SNX25: variants seen among roughly 807,000 people sequenced by gnomAD.
SNX25 encodes the protein sorting nexin 25, also known as sorting nexin-25.
SNX25 carries 62 observed loss-of-function variants against 113.7 expected under a neutral mutation model. That is an observed-to-expected ratio of 0.55 (90% CI 0.44 to 0.67). The LOEUF is 0.67. Ranked by LOEUF, SNX25 falls within the 30% of genes least tolerant of loss-of-function variation. SNX25 has a pLI of 0.00. For missense variants in SNX25, 1,014 were observed against 1,161.0 expected (o/e 0.87, Z 1.84); for synonymous variants, 421 against 436.2 (o/e 0.97, Z 0.43).
intron 15 of SNX25, among the ~76,000 whole-genome samples, chr4:185,355,849 T>C (rs993558528): frequency 1.3e-5 from 2 of 152,208 alleles, no homozygotes; most frequent in African/African-American, 2.4e-5. Flanking sequence ...ATGAGGACAC[T>C]GTCCTAGGCT....
intron 10 of SNX25, among the ~76,000 whole-genome samples, chr4:185,333,919 A>G (rs1384931946): frequency 6.6e-6 from 1 of 151,146 alleles, no homozygotes. Context: ...ATGGTAGTGG[A>G]TGCTGGTAGT....
At chr4:185,368,519 C>T (rs1056013782), downstream of SNX25, among the ~76,000 whole-genome samples, 27 of 152,182 alleles carry the variant, frequency 1.8e-4, no homozygotes, top group East Asian at 7.7e-4. Flanking sequence ...CAGTGAACAC[C>T]GCTGTCGGGA....
At chr4:185,284,019 A>T (rs957409070) in intron 5 of SNX25, among the ~76,000 whole-genome samples, 1 of 152,212 alleles carries the variant, frequency 6.6e-6, no homozygotes, top group East Asian at 1.9e-4. Context: ...TTACCTGTTA[A>T]GTGTTAGAAA....
At chr4:185,351,913 G>C (rs982176901) in intron 14 of SNX25, among the ~76,000 whole-genome samples, 1 of 146,296 alleles carries the variant, frequency 6.8e-6, no homozygotes, top group Non-Finnish European at 1.5e-5. Flanking sequence ...TTGCGGGGTG[G>C]GGGGGTTCAT....
At chr4:185,365,571 G>C (rs2095384254), downstream of SNX25, 1 of 151,256 alleles carries the variant, frequency 6.6e-6, no homozygotes, top group South Asian at 2.1e-4. Context: ...GGCCAGCCTG[G>C]TCTCAAACTC....
At chr4:185,216,051 C>T (rs1042849595) in intron 1 of SNX25, among the ~76,000 whole-genome samples, 1 of 152,152 alleles carries the variant, frequency 6.6e-6, no homozygotes, top group Admixed American at 6.5e-5. Flanking sequence ...CCCGTCTTGG[C>T]CTCCCAAAGT....
intron 2 of SNX25, among the ~76,000 whole-genome samples, chr4:185,255,519 A>AC (rs1281431363): frequency 2.0e-5 from 3 of 152,182 alleles, no homozygotes. Flanking sequence ...AGTGTGAGCC[A>AC]CCGCACCTGG....
chr4:185,307,855 A>C (rs182885594), intron 6 of SNX25, among the ~76,000 whole-genome samples: 1 of 152,214 alleles, frequency 6.6e-6, no homozygotes, highest in Non-Finnish European at 1.5e-5. Context: ...CCTGGACTCA[A>C]GTGAACCTCC....
At chr4:185,254,193 C>A (rs1330896297) in intron 2 of SNX25, among the ~76,000 whole-genome samples, 2 of 149,246 alleles carry the variant, frequency 1.3e-5, no homozygotes, top group Non-Finnish European at 3.0e-5. Flanking sequence ...AATATGTATA[C>A]TTTTTTTTTT....
intron 5 of SNX25, among the ~76,000 whole-genome samples, chr4:185,269,837 G>A (rs1328704169): frequency 2.6e-5 from 4 of 152,120 alleles, no homozygotes; most frequent in Non-Finnish European, 4.4e-5. Flanking sequence ...AGCCTTCCAA[G>A]TAGCTGGGAC....
At chr4:185,262,641 T>C (rs968098588) in intron 3 of SNX25, among the ~76,000 whole-genome samples, 1 of 152,222 alleles carries the variant, frequency 6.6e-6, no homozygotes, top group Non-Finnish European at 1.5e-5. Flanking sequence ...AGATCTTAAT[T>C]TTCTCATCTA....
downstream of SNX25, among the ~76,000 whole-genome samples, chr4:185,372,041 C>T (rs759443170): frequency 2.6e-5 from 4 of 152,150 alleles, no homozygotes; most frequent in African/African-American, 4.8e-5. Context: ...TGGAGCCTTA[C>T]GGACTCCGAG....
intron 5 of SNX25, among the ~76,000 whole-genome samples, chr4:185,276,804 C>T (rs1749765873): frequency 6.6e-6 from 1 of 152,164 alleles, no homozygotes; most frequent in Non-Finnish European, 1.5e-5. Flanking sequence ...CCAGGATCCA[C>T]CTGCTGGCTG....
intron 1 of SNX25, among the ~76,000 whole-genome samples, chr4:185,214,202 A>C (rs902905925): frequency 2.6e-5 from 4 of 152,056 alleles, no homozygotes; most frequent in African/African-American, 9.7e-5. Flanking sequence ...TATGTCTCCT[A>C]AGTTAAAAAA....
At chr4:185,321,757 A>G (rs2095121929) in intron 8 of SNX25, among the ~76,000 whole-genome samples, 1 of 152,188 alleles carries the variant, frequency 6.6e-6, no homozygotes, top group Admixed American at 6.5e-5. Context: ...GATTCAACCA[A>G]CCATGGACTG....
intron 6 of SNX25, among the ~76,000 whole-genome samples, chr4:185,308,206 G>GT (rs1754738225): frequency 6.6e-6 from 1 of 152,218 alleles, no homozygotes; most frequent in South Asian, 2.1e-4. Context: ...TCCACAAGCT[G>GT]TAATACTCAA....
downstream of SNX25, chr4:185,373,002 A>G: frequency 6.2e-7 from 1 of 1,613,926 alleles, no homozygotes; most frequent in Non-Finnish European, 8.5e-7. Flanking sequence ...TGCCTTGTCC[A>G]TACAAGTACA....
chr4:185,345,386 C>T (rs892783463), intron 12 of SNX25, among the ~76,000 whole-genome samples: 1 of 152,176 alleles, frequency 6.6e-6, no homozygotes, highest in Non-Finnish European at 1.5e-5. Flanking sequence ...ATAACACATG[C>T]TATGCTTCTA....
intron 5 of SNX25, among the ~76,000 whole-genome samples, chr4:185,283,121 A>G (rs1579611641): frequency 6.6e-6 from 1 of 152,212 alleles, no homozygotes; most frequent in South Asian, 2.1e-4. Flanking sequence ...GGTGAGTACT[A>G]AGATGAACTG....
Sources: gnomAD v4.1 joint callset for allele counts (sites outside exome capture counted in the v4.1 genomes callset) on GRCh38, gnomAD v4.1.1 for gene constraint, MANE v1.5 for transcripts, NCBI Gene and HGNC (gene_info 2026-07-23, HGNC 2026-07-21) for gene names.